OXR1: variants seen among roughly 807,000 people sequenced by gnomAD.
OXR1 encodes the protein oxidation resistance 1.
A neutral mutation model predicts 104.6 loss-of-function variants in OXR1; 41 were observed. The ratio of observed to expected loss-of-function variants is 0.39; its 90% CI spans 0.31 to 0.51. The LOEUF is 0.51. OXR1 is among the 20% of genes least tolerant of loss of function. The probability of loss-of-function intolerance (pLI) is 0.77; values close to 1 mark genes in which losing one functional copy is unlikely to be tolerated. For synonymous variants in OXR1, 348 were observed against 348.4 expected, an observed-to-expected ratio of 1.00 and a Z score of 0.01; for missense variants, 955 against 1,031.9, an observed-to-expected ratio of 0.93 and a Z score of 1.02.
At chr8:106,444,985 T>C (rs796311595) in intron 2 of OXR1, among the ~76,000 whole-genome samples, 2 of 152,260 alleles carry the variant, frequency 1.3e-5, no homozygotes, top group South Asian at 4.1e-4. Context: ...AGTTTAGATA[T>C]GACCCTGGGC....
chr8:106,508,370 A>G (rs1438343348), intron 2 of OXR1, among the ~76,000 whole-genome samples: 1 of 152,202 alleles, frequency 6.6e-6, no homozygotes, highest in African/African-American at 2.4e-5. Context: ...TTCTGAATAA[A>G]GTCTGAAATC....
chr8:106,485,112 A>G (rs1463828001), intron 2 of OXR1, among the ~76,000 whole-genome samples: 1 of 152,054 alleles, frequency 6.6e-6, no homozygotes, highest in African/African-American at 2.4e-5. Flanking sequence ...TGACATTTGA[A>G]AAAGGTAAAA....
At chr8:106,436,654 C>T (rs1819585127) in intron 2 of OXR1, among the ~76,000 whole-genome samples, 1 of 152,098 alleles carries the variant, frequency 6.6e-6, no homozygotes, top group African/African-American at 2.4e-5. Context: ...ATGCCTAAGC[C>T]TAAAGGAGAT....
chr8:106,428,237 A>G (rs1478644647), intron 2 of OXR1, among the ~76,000 whole-genome samples: 1 of 152,128 alleles, frequency 6.6e-6, no homozygotes, highest in Non-Finnish European at 1.5e-5. Context: ...CCTGCCTGAC[A>G]TTTGACTTTC....
At chr8:106,516,708 G>T (rs2130087054) in intron 2 of OXR1, among the ~76,000 whole-genome samples, 1 of 152,188 alleles carries the variant, frequency 6.6e-6, no homozygotes, top group South Asian at 2.1e-4. Context: ...GAATACAGTA[G>T]TACCACCTTA....
intron 9 of OXR1, chr8:106,707,610 G>A (rs1052077683): frequency 5.4e-5 from 10 of 184,240 alleles, no homozygotes; most frequent in South Asian, 1.7e-4. Context: ...TCCACGTATC[G>A]AGAAGTTTCA....
intron 3 of OXR1, among the ~76,000 whole-genome samples, chr8:106,565,698 T>C (rs1030227968): frequency 2.6e-5 from 4 of 152,106 alleles, no homozygotes; most frequent in African/African-American, 9.7e-5. Flanking sequence ...AGAACAAAGC[T>C]GCAGGCATCA....
intron 3 of OXR1, among the ~76,000 whole-genome samples, chr8:106,579,070 C>T (rs1365539117): frequency 6.7e-6 from 1 of 150,224 alleles, no homozygotes; most frequent in Non-Finnish European, 1.5e-5. Context: ...CTCAAAGCTC[C>T]TAAAATTCTT....
chr8:106,546,765 A>G (rs186512096), intron 3 of OXR1, among the ~76,000 whole-genome samples: 4 of 152,384 alleles, frequency 2.6e-5, no homozygotes, highest in Admixed American at 2.6e-4. Context: ...TTGCTTAGGC[A>G]TAAAAGGAAA....
intron 1 of OXR1, among the ~76,000 whole-genome samples, chr8:106,311,819 G>A (rs1813713699): frequency 6.6e-6 from 1 of 152,008 alleles, no homozygotes; most frequent in African/African-American, 2.4e-5. Context: ...CCCATTCTTA[G>A]CATTGAACTT....
chr8:106,456,547 C>G (rs980297588), intron 2 of OXR1, among the ~76,000 whole-genome samples: 3 of 152,108 alleles, frequency 2.0e-5, no homozygotes, highest in Admixed American at 2.0e-4. Context: ...TTAATGCCAT[C>G]AATGTAATTT....
At chr8:106,403,802 T>C (rs1311339412) in intron 2 of OXR1, among the ~76,000 whole-genome samples, 1 of 152,202 alleles carries the variant, frequency 6.6e-6, no homozygotes, top group Non-Finnish European at 1.5e-5. Context: ...TTAGTATCCA[T>C]TCCCACACAT....
intron 1 of OXR1, among the ~76,000 whole-genome samples, chr8:106,305,650 T>G (rs1391520892): frequency 6.6e-6 from 1 of 152,148 alleles, no homozygotes; most frequent in Non-Finnish European, 1.5e-5. Context: ...CCACCCATTA[T>G]CCTCTGCAGT....
At chr8:106,335,302 CTTTAT>C (rs1814912556) in intron 1 of OXR1, among the ~76,000 whole-genome samples, 1 of 152,138 alleles carries the variant, frequency 6.6e-6, no homozygotes, top group African/African-American at 2.4e-5. Context: ...TAAAATTACA[CTTTAT>C]TTTAATTGTT....
intron 2 of OXR1, among the ~76,000 whole-genome samples, chr8:106,511,996 T>TA (rs1812562392): frequency 6.6e-6 from 1 of 152,222 alleles, no homozygotes; most frequent in Non-Finnish European, 1.5e-5. Flanking sequence ...TTTTACCTGA[T>TA]ACATTATAAA....
intron 1 of OXR1, among the ~76,000 whole-genome samples, chr8:106,355,150 T>C (rs2130320735): frequency 6.6e-6 from 1 of 152,200 alleles, no homozygotes; most frequent in Middle Eastern, 3.4e-3. Context: ...GTCAAATCAC[T>C]CCATATATTT....
intron 2 of OXR1, among the ~76,000 whole-genome samples, chr8:106,478,326 C>G (rs1821916048): frequency 6.6e-6 from 1 of 151,678 alleles, no homozygotes; most frequent in African/African-American, 2.4e-5. Context: ...AGCCTTCTAG[C>G]CAAATTGCCG....
rs536416972 is a variant in OXR1 at position 106,748,085 on chromosome 8, T to A, written c.2486+2223T>A. Among the ~76,000 whole-genome samples, 6 of 152,352 alleles carry A rather than the reference T, an allele frequency of 3.9e-5. No homozygotes were observed. In the South Asian group the frequency reaches 1.2e-3, roughly 32 times the overall value. On this transcript the variant is annotated intron_variant, in intron 16 of 16. Transcript: ENST00000517566. ...ATTCAGATATCTCTTTAAAGGCATG[T>A]TGTTGCCAGTAGAGTTAGAGTCTCT...
chr8:106,690,374 T>C (rs1414578873), intron 6 of OXR1, among the ~76,000 whole-genome samples: 1 of 151,152 alleles, frequency 6.6e-6, no homozygotes, highest in Non-Finnish European at 1.5e-5. Context: ...AATTGTTTTT[T>C]AATATGTACT....
Sources: allele counts gnomAD v4.1 joint callset (sites outside exome capture counted in the v4.1 genomes callset), GRCh38; gene constraint gnomAD v4.1.1; transcripts MANE v1.5; gene names NCBI Gene and HGNC (gene_info 2026-07-23, HGNC 2026-07-21).